The following CTXND2 variants were observed in gnomAD, a reference collection of about 807,000 sequenced individuals.
CTXND2 encodes cortexin domain containing 2.
chr1:150,893,454 CTA>C, intron 1 of CTXND2, among the ~76,000 whole-genome samples: 1 of 152,060 alleles, frequency 6.6e-6, no homozygotes, highest in Middle Eastern at 3.4e-3. Flanking sequence ...AGTAGGTTTG[CTA>C]TAGTTTTTTT....
At chr1:150,909,657 A>AT (rs1313275821) in intron 1 of CTXND2, among the ~76,000 whole-genome samples, 1 of 152,064 alleles carries the variant, frequency 6.6e-6, no homozygotes, top group East Asian at 1.9e-4. Flanking sequence ...TAGGTCTTTG[A>AT]TCCATTTTAA....
chr1:150,905,100 ACAC>A, intron 1 of CTXND2, among the ~76,000 whole-genome samples: 3 of 148,930 alleles, frequency 2.0e-5, no homozygotes, highest in Non-Finnish European at 3.0e-5. Flanking sequence ...ACACACACAC[ACAC>A]AAATCACCCT....
chr1:150,896,295 G>C lies in CTXND2; in HGVS notation c.-74+8982G>C, dbSNP rs368831300. Among the ~76,000 whole-genome samples, 83 of 152,294 alleles carry C rather than the reference G, an allele frequency of 5.4e-4. 1 individual carries two copies. The highest frequency in any genetic ancestry group is 1.9e-3 in the African/African-American group (78 of 41,554). ...AGAACCCTGATACTTTGAATCACTG[G>C]ATTCAGCCATAGCTAAAGGTAGTCT... is the stretch of plus-strand genomic sequence containing the variant. On this transcript the variant is annotated intron_variant, in intron 1 of 1. Coordinates refer to ENST00000636087, the Ensembl canonical transcript of CTXND2.
intron 1 of CTXND2, among the ~76,000 whole-genome samples, chr1:150,895,034 C>CA (rs892123154): frequency 6.0e-5 from 9 of 151,138 alleles, no homozygotes; most frequent in African/African-American, 1.9e-4. Flanking sequence ...CCGTCCCCCT[C>CA]AAAAAAACAT....
chr1:150,902,995 C>T (rs1353581114), intron 1 of CTXND2, among the ~76,000 whole-genome samples: 1 of 152,118 alleles, frequency 6.6e-6, no homozygotes, highest in Admixed American at 6.6e-5. Flanking sequence ...CTAAATATTT[C>T]AAAAATTGTC....
intron 1 of CTXND2, among the ~76,000 whole-genome samples, chr1:150,898,813 C>G (rs368626404): frequency 2.0e-5 from 3 of 149,048 alleles, no homozygotes; most frequent in African/African-American, 7.4e-5. Context: ...CACGGTGGCT[C>G]ACGCCTGCAA....
At chr1:150,905,997 A>AC (rs1321074490) in intron 1 of CTXND2, among the ~76,000 whole-genome samples, 1 of 150,358 alleles carries the variant, frequency 6.7e-6, no homozygotes, top group East Asian at 2.0e-4. Context: ...CTCAAAAAAA[A>AC]AAGAAGGATG....
intron 1 of CTXND2, among the ~76,000 whole-genome samples, chr1:150,900,415 C>T (rs1005430395): frequency 2.0e-5 from 3 of 152,104 alleles, no homozygotes; most frequent in Non-Finnish European, 2.9e-5. Context: ...TTGGACACAC[C>T]ATCTTTAAGA....
At chr1:150,907,755 G>A (rs1343308374) in intron 1 of CTXND2, among the ~76,000 whole-genome samples, 1 of 128,712 alleles carries the variant, frequency 7.8e-6, no homozygotes, top group Admixed American at 9.7e-5. Context: ...TCTCACCCAG[G>A]CTGGAGTGCA....
At chr1:150,906,999 C>T (rs1476313860) in intron 1 of CTXND2, among the ~76,000 whole-genome samples, 1 of 152,114 alleles carries the variant, frequency 6.6e-6, no homozygotes, top group East Asian at 1.9e-4. Flanking sequence ...GTCACCTACT[C>T]ACAGTTGGCC....
intron 1 of CTXND2, among the ~76,000 whole-genome samples, chr1:150,909,946 C>T (rs985959736): frequency 1.2e-4 from 19 of 152,058 alleles, no homozygotes; most frequent in Non-Finnish European, 4.4e-5. Context: ...GCACTTGTGA[C>T]CAATGAGGGG....
At chr1:150,890,394 G>A (rs74127063) in intron 1 of CTXND2, among the ~76,000 whole-genome samples, 11,325 of 152,226 alleles carry the variant, frequency 0.074, 1,437 homozygotes, top group African/African-American at 0.26. Flanking sequence ...GAGACAGTCA[G>A]TGCCCAGCCC....
At chr1:150,893,617 C>G (rs915289545) in intron 1 of CTXND2, among the ~76,000 whole-genome samples, 4 of 152,102 alleles carry the variant, frequency 2.6e-5, no homozygotes, top group African/African-American at 9.7e-5. Flanking sequence ...CACCATCTTG[C>G]CTGGCTAATT....
At chr1:150,911,945 G>C (rs1669262975) in intron 1 of CTXND2, among the ~76,000 whole-genome samples, 1 of 152,188 alleles carries the variant, frequency 6.6e-6, no homozygotes, top group Non-Finnish European at 1.5e-5. Flanking sequence ...ACAGAATTCA[G>C]ATGTTTAAGA....
At chr1:150,906,725 C>A (rs1184644793) in intron 1 of CTXND2, among the ~76,000 whole-genome samples, 2 of 152,092 alleles carry the variant, frequency 1.3e-5, no homozygotes, top group Non-Finnish European at 2.9e-5. Context: ...TGGCCAATCC[C>A]CCCAACCCAT....
chr1:150,905,756 C>T (rs1056376020), intron 1 of CTXND2, among the ~76,000 whole-genome samples: 4 of 149,430 alleles, frequency 2.7e-5, no homozygotes, highest in African/African-American at 9.9e-5. Flanking sequence ...TTTGGGAGGC[C>T]GAGACGGGCA....
At position 150,910,318 on chromosome 1, in the gene CTXND2, T is replaced by G. The variant is rs190725312; in HGVS notation, c.-73-1924T>G. Among the ~76,000 whole-genome samples, 6 of 138,534 alleles carry G rather than the reference T, an allele frequency of 4.3e-5. No individual in the cohort carries two copies. The East Asian group carries it at 1.4e-3, about 31-fold the overall frequency. The allele number at this position is 138,534 out of a possible 152,430, so 90.9% of individuals were successfully genotyped here. ...CTAATTTTTATATTTTTAGTAGACA[T>G]GGGGTTTCGCCATGTTGGCCAGGCT... On this transcript the variant is annotated intron_variant, in intron 1 of 1. Transcript: ENST00000636087.
chr1:150,908,159 C>T lies in CTXND2; in HGVS notation c.-73-4083C>T, dbSNP rs768683016. ...CTGGGATTACAGGTGTGCGCCATCA[C>T]ATCTAACTAATTTTTGTATTTTCTG... On this transcript the variant is annotated intron_variant, in intron 1 of 1. Coordinates refer to ENST00000636087, the Ensembl canonical transcript of CTXND2. 1.6e-3 allele frequency among the ~76,000 whole-genome samples: 246 copies of T among 152,034 alleles called. 3 individuals are homozygous for T. Among genetic ancestry groups the T allele is most frequent in the Middle Eastern group, 3.4e-3 (1 of 294 alleles).
At chr1:150,890,685 T>C (rs957286785) in intron 1 of CTXND2, among the ~76,000 whole-genome samples, 1 of 151,990 alleles carries the variant, frequency 6.6e-6, no homozygotes, top group African/African-American at 2.4e-5. Context: ...GTATTTTTAG[T>C]AGAGACGGGG....
Sources: gnomAD v4.1 joint callset for allele counts (sites outside exome capture counted in the v4.1 genomes callset) on GRCh38, gnomAD v4.1.1 for gene constraint, MANE v1.5 for transcripts, NCBI Gene and HGNC (gene_info 2026-07-23, HGNC 2026-07-21) for gene names.